Variants in MVP observed in about 807,000 individuals in gnomAD.
MVP encodes the protein major vault protein, also known as lung resistance-related protein.
In MVP, 62 loss-of-function variants were observed where a neutral mutation model predicts 83.5. The observed-to-expected ratio is 0.74, with a 90% CI of 0.61 to 0.92. The LOEUF (loss-of-function observed/expected upper bound fraction) is 0.92. Ranked by LOEUF, MVP falls within the 40% of genes least tolerant of loss-of-function variation. The pLI, the probability that MVP is intolerant of heterozygous loss-of-function variation, is 0.00. For missense variants in MVP, 1,000 were observed against 1,203.4 expected (o/e 0.83, Z 2.50); for synonymous variants, 505 against 504.1 (o/e 1.00, Z -0.02).
At chr16:29,835,555 G>A (rs2067479153) in intron 5 of MVP, 149 bp from the exon 6 acceptor site, 2 of 382,924 alleles carry the variant, frequency 5.2e-6, no homozygotes, top group East Asian at 4.8e-5. Flanking sequence ...GAATGAATAA[G>A]AGGACCGCAG....
chr16:29,838,576 C>G (rs1294354869), intron 7 of MVP, among the ~76,000 whole-genome samples: 2 of 152,028 alleles, frequency 1.3e-5, no homozygotes. Context: ...GACTATAATC[C>G]CAGTGCTTTG....
chr16:29,839,752 A>T (rs2150757402), intron 7 of MVP, among the ~76,000 whole-genome samples: 1 of 130,364 alleles, frequency 7.7e-6, no homozygotes, highest in African/African-American at 2.9e-5. Context: ...CCACTGCACT[A>T]TCCAGCCTGG....
rs564772262 is a variant in MVP at position 29,845,619 on chromosome 16, A to G, written c.2022-244A>G. On this transcript the variant is annotated intron_variant, in intron 11 of 14. Transcript: ENST00000357402. The stretch of plus-strand genomic sequence containing the variant: ...TCACTGTCTGAAATCCTCCTTGTAT[A>G]CTTGTTCTTTTCCCACTCAAGTGGC... Among the ~76,000 whole-genome samples, 8 of 152,056 alleles carry G rather than the reference A, an allele frequency of 5.3e-5. No homozygotes were observed. In the East Asian group the frequency reaches 1.2e-3, roughly 22 times the overall value.
Position 29,844,750 on chromosome 16 carries a change from ACGGG to A in MVP, c.1894_1897del (p.Gly632TrpfsTer80), listed in dbSNP as rs1294717746. ...CGGGACCAGGCTGTCTTCCCCCAAA[ACGGG>A]CTGGTGGTCAGCAGTGTGGACGTGC... On this transcript the variant is annotated frameshift_variant, in exon 11 of 15. Transcript: ENST00000357402. LOFTEE classifies it high-confidence loss of function. 1 of 1,612,376 alleles carries A rather than the reference ACGGG, an allele frequency of 6.2e-7. No homozygotes were observed. Among genetic ancestry groups the A allele is most frequent in the South Asian group, 1.1e-5 (1 of 91,082 alleles).
chr16:29,845,695 C>T (rs145362585), intron 11 of MVP, among the ~76,000 whole-genome samples, 168 bp from the exon 12 acceptor site: 4 of 152,348 alleles, frequency 2.6e-5, no homozygotes, highest in Non-Finnish European at 5.9e-5. Flanking sequence ...CCTAGAATGA[C>T]ACTGGCTTGT....
intron 1 of MVP, among the ~76,000 whole-genome samples, chr16:29,826,414 T>C (rs2067404834): frequency 6.6e-6 from 1 of 152,134 alleles, no homozygotes; most frequent in Non-Finnish European, 1.5e-5. Context: ...GGATGACTAC[T>C]TAAGACCAGG....
chr16:29,830,289 C>G, intron 1 of MVP: 1 of 364,332 alleles, frequency 2.7e-6, no homozygotes. Flanking sequence ...CTCTGTGGCT[C>G]ACTGCATCAA....
In MVP at chr16:29,830,855, C is replaced by A; in HGVS notation, c.126-23C>A. 2.5e-6 allele frequency: 4 copies of A among 1,603,138 alleles called. No individual in the cohort carries two copies. The South Asian group carries it at 4.4e-5, about 18-fold the overall frequency. ...GTGGAGACCTGGTCCCAGGTCCTCA[C>A]ACCTCTTCTCATCTTCCTGCAGGGT... On this transcript the variant is annotated intron_variant, in intron 2 of 14. Transcript: ENST00000357402.
intron 13 of MVP, among the ~76,000 whole-genome samples, chr16:29,846,750 T>C (rs2067588977): frequency 6.6e-6 from 1 of 152,044 alleles, no homozygotes; most frequent in South Asian, 2.1e-4. Context: ...CCCCAACTAC[T>C]TGGTAGGCTG....
intron 3 of MVP, among the ~76,000 whole-genome samples, chr16:29,832,182 A>C (rs1235333911): frequency 6.6e-6 from 1 of 151,546 alleles, no homozygotes; most frequent in Non-Finnish European, 1.5e-5. Flanking sequence ...ATGTCCACTT[A>C]GGTGCAGACA....
chr16:29,847,241 G>A lies in MVP; in HGVS notation c.2310G>A (p.Leu770=), dbSNP rs765888579. 1 of 1,613,724 alleles carries A rather than the reference G, an allele frequency of 6.2e-7. No homozygotes were observed. Among genetic ancestry groups the A allele is most frequent in the South Asian group, 1.1e-5 (1 of 91,072 alleles). Residue 770 remains leucine (L), a synonymous_variant, in exon 14 of 15, where the codon CTG becomes CTA. Transcript: ENST00000357402. ...TCCAGAAGGTCCGAGAGCTGGAACT[G>A]GTCTATGCCCGGGCCCAGCTGGAGC... ...QRVQKVRELE[L]VYARAQLELE... is the part of the protein sequence containing the mutation.
At chr16:29,845,757 TG>T (rs2067579004) in intron 11 of MVP, 105 bp from the exon 12 acceptor site, 1 of 890,462 alleles carries the variant, frequency 1.1e-6, no homozygotes, top group Non-Finnish European at 1.7e-6. Flanking sequence ...TTCTAGGGGC[TG>T]GGGTCTGTCC....
In MVP at chr16:29,831,074, G is replaced by A; in HGVS notation, c.321+1G>A. On this transcript the variant is annotated splice_donor_variant, in intron 3 of 14. Transcript: ENST00000357402. LOFTEE classifies it high-confidence loss of function. ...GTACCCAGGGGAGGTGCTGGAAAAG[G>A]TACCTGGTTTCCTCACTCCCTATGC... 2 of 1,610,200 alleles carry A rather than the reference G, an allele frequency of 1.2e-6. No individual in the cohort carries two copies. Among genetic ancestry groups the A allele is most frequent in the African/African-American group, 1.3e-5 (1 of 75,006 alleles).
At chr16:29,834,189 A>G in intron 5 of MVP, 123 bp downstream of exon 5, 1 of 1,390,448 alleles carries the variant, frequency 7.2e-7, no homozygotes, top group Non-Finnish European at 9.7e-7. Context: ...GTATCTTTTG[A>G]AAGCTGTTGA....
At chr16:29,840,151 G>T in intron 7 of MVP, 27 bp from the exon 8 acceptor site, 2 of 1,576,874 alleles carry the variant, frequency 1.3e-6, no homozygotes, top group South Asian at 2.4e-5. Flanking sequence ...TAAAGGCACT[G>T]ACCCTAACCT....
At chr16:29,845,484 C>T (rs781538834) in intron 11 of MVP, among the ~76,000 whole-genome samples, 1 of 152,190 alleles carries the variant, frequency 6.6e-6, no homozygotes, top group Non-Finnish European at 1.5e-5. Flanking sequence ...AGCTCCCTTC[C>T]AGGCAGGCTT....
intron 1 of MVP, among the ~76,000 whole-genome samples, chr16:29,825,183 C>G (rs1396538614): frequency 1.3e-5 from 2 of 152,164 alleles, no homozygotes; most frequent in Non-Finnish European, 2.9e-5. Context: ...GCAGGAGCCT[C>G]ATGACACCTG....
chr16:29,842,007 C>T lies in MVP; in HGVS notation c.1529C>T (p.Ala510Val), dbSNP rs778130285. The change falls in exon 10 of 15, where the codon GCC (alanine) becomes GTC (valine). Residue 510 changes from alanine to valine, a missense_variant. Transcript: ENST00000357402. ...LSAGRPKRPHARRALCLLLGP... is the reference protein window; with the variant it reads ...LSAGRPKRPHVRRALCLLLGP... ...GCTGGGCGGCCCAAGCGTCCCCATG[C>T]CCGCCGTGCGCTCTGCCTGCTGCTG... 1.2e-6 allele frequency: 2 copies of T among 1,612,030 alleles called. No individual in the cohort carries two copies. Among genetic ancestry groups the T allele is most frequent in the Non-Finnish European group, 8.5e-7 (1 of 1,179,992 alleles).
chr16:29,836,884 C>G lies in MVP; in HGVS notation c.835C>G (p.His279Asp). ...GVVPITTLGPHNYCVILDPVG... is the reference protein window; with the variant it reads ...GVVPITTLGPDNYCVILDPVG... ...TGTGCCCATCACCACCCTGGGCCCCCACAACTACTGCGTGATTCTCGACCC... is the reference window on the plus strand; with the variant it reads ...TGTGCCCATCACCACCCTGGGCCCCGACAACTACTGCGTGATTCTCGACCC... The change falls in exon 7 of 15, where the codon CAC becomes GAC. Residue 279 changes from histidine (H) to aspartate (D), a missense_variant. Transcript: ENST00000357402. 6.2e-7 allele frequency: 1 copy of G among 1,614,034 alleles called. No individual in the cohort carries two copies. Among genetic ancestry groups the G allele is most frequent in the Non-Finnish European group, 8.5e-7 (1 of 1,179,990 alleles).
Sources: gnomAD v4.1 joint callset for allele counts (sites outside exome capture counted in the v4.1 genomes callset) on GRCh38, gnomAD v4.1.1 for gene constraint, MANE v1.5 for transcripts, NCBI Gene and HGNC (gene_info 2026-07-23, HGNC 2026-07-21) for gene names.